PCDHGA8: variants seen among roughly 807,000 people sequenced by gnomAD.
PCDHGA8 encodes protocadherin gamma subfamily A, 8.
In PCDHGA8, 45 loss-of-function variants were observed where a neutral mutation model predicts 59.2. The ratio of observed to expected loss-of-function variants is 0.76; its 90% CI spans 0.60 to 0.98. The LOEUF (loss-of-function observed/expected upper bound fraction) is 0.98. Among genes scored for constraint, PCDHGA8 ranks in the 50% least tolerant of loss-of-function variants. PCDHGA8 has a pLI of 0.00. For missense variants in PCDHGA8, 1,257 were observed against 1,196.2 expected, an observed-to-expected ratio of 1.05 and a Z score of -0.75; for synonymous variants, 531 against 519.0, an observed-to-expected ratio of 1.02 and a Z score of -0.32.
In PCDHGA8 at chr5:141,510,353, C is replaced by G. The variant is rs74759939; in HGVS notation, c.2573-594C>G. On this transcript the variant is annotated intron_variant, in intron 3 of 3. Transcript: ENST00000398604. ...CACCCCCACCCCACACACTTACTAA[C>G]GGAACTACCGAATCTCTACTCGTGC... is the stretch of plus-strand genomic sequence containing the variant. Among the ~76,000 whole-genome samples the G allele has an allele frequency of 1.9e-4, 28 of 146,588 alleles. No homozygotes were observed. The East Asian group carries it at 5.6e-3, about 29-fold the overall frequency.
rs1438978424 is a variant in PCDHGA8 at position 141,394,322 on chromosome 5, G to A, written c.1509G>A (p.Ser503=). 1.9e-6 allele frequency: 3 copies of A among 1,613,842 alleles called. No homozygotes were observed. Among genetic ancestry groups the A allele is most frequent in the African/African-American group, 1.3e-5 (1 of 74,900 alleles). The stretch of plus-strand genomic sequence containing the variant: ...CGCTGCAGGGGGCGCCCCTGTCCTC[G>A]TATATCTCCATCAACTCTGACACCG... ...EDTLQGAPLS[S]YISINSDTGV... The change falls in exon 1 of 4, where the codon TCG becomes TCA. Residue 503 remains serine, a synonymous_variant. Coordinates refer to ENST00000398604, the MANE Select transcript of PCDHGA8 (RefSeq NM_032088.2).
At chr5:141,428,305 G>A (rs751498223) in intron 1 of PCDHGA8, 8 of 694,348 alleles carry the variant, frequency 1.2e-5, no homozygotes, top group African/African-American at 1.8e-5. Flanking sequence ...GATTTACCTG[G>A]TCGTGGCCTT....
rs766042374 is a variant in PCDHGA8 at position 141,418,520 on chromosome 5, C to A, written c.2424+23283C>A. ...GACCGCCTTAGATGGTGGGGACCCTCCCCGAAGCGGTACTGCTCAGATAAG... is the reference window on the plus strand; with the variant it reads ...GACCGCCTTAGATGGTGGGGACCCTACCCGAAGCGGTACTGCTCAGATAAG... On this transcript the variant is annotated intron_variant, in intron 1 of 3. Transcript: ENST00000398604. 6 of 1,613,818 alleles carry A rather than the reference C, an allele frequency of 3.7e-6. No individual in the cohort carries two copies. The highest frequency in any genetic ancestry group is 5.1e-6 in the Non-Finnish European group (6 of 1,179,890).
Position 141,476,845 on chromosome 5 carries a change from C to T in PCDHGA8, c.2425-17962C>T. On this transcript the variant is annotated intron_variant, in intron 1 of 3. Transcript: ENST00000398604. The surrounding 1 kb of genome is among the most constrained non-coding windows in gnomAD (Gnocchi z 7.6). ...TGGACGCGAATGACAATGCGCCTGT[C>T]TTCAACCAGTCCTTGTACCGGGCGC... 1 of 1,613,794 alleles carries T rather than the reference C, an allele frequency of 6.2e-7. No homozygotes were observed. Among genetic ancestry groups the T allele is most frequent in the Non-Finnish European group, 8.5e-7 (1 of 1,180,054 alleles).
chr5:141,423,605 T>G lies in PCDHGA8; in HGVS notation c.2424+28368T>G. The G allele has an allele frequency of 1.6e-5, 26 of 1,612,620 alleles. No individual in the cohort carries two copies. Among genetic ancestry groups the G allele is most frequent in the Non-Finnish European group, 2.0e-5 (24 of 1,179,120 alleles). On this transcript the variant is annotated intron_variant, in intron 1 of 3. Transcript: ENST00000398604. Reference sequence around the variant, plus strand: ...AGCTGTGAGAAAAGCGAGCCACTCTTGATAGCTGAAGACTCAGCTATCATT... The same window carrying G: ...AGCTGTGAGAAAAGCGAGCCACTCTGGATAGCTGAAGACTCAGCTATCATT...
chr5:141,477,901 C>T lies in PCDHGA8; in HGVS notation c.2425-16906C>T, dbSNP rs2099423750. ...GCCACCTAGTGTCACGGGTGGTAGG[C>T]TGGGACGCGGATGCAGGGCACAATG... On this transcript the variant is annotated intron_variant, in intron 1 of 3. Transcript: ENST00000398604. The surrounding 1 kb of genome is among the most constrained non-coding windows in gnomAD (Gnocchi z 4.9). The T allele has an allele frequency of 1.9e-6, 3 of 1,614,188 alleles. No homozygotes were observed. The highest frequency in any genetic ancestry group is 2.5e-6 in the Non-Finnish European group (3 of 1,180,042).
Position 141,486,000 on chromosome 5 carries a change from A to G in PCDHGA8, c.2425-8807A>G. 1 of 1,614,194 alleles carries G rather than the reference A, an allele frequency of 6.2e-7. No individual in the cohort carries two copies. Among genetic ancestry groups the G allele is most frequent in the Non-Finnish European group, 8.5e-7 (1 of 1,180,034 alleles). On this transcript the variant is annotated intron_variant, in intron 1 of 3. Transcript: ENST00000398604. The surrounding 1 kb of genome is among the most constrained non-coding windows in gnomAD (Gnocchi z 5.7). ...GACCCGGACCTGGGTCCCAGTGGTA[A>G]CGTCACCTTTTATTTCAGTGGTCAT...
In PCDHGA8 at chr5:141,394,778, C is replaced by A. The variant is rs377451053; in HGVS notation, c.1965C>A (p.Ser655=). 82 of 1,613,634 alleles carry A rather than the reference C, an allele frequency of 5.1e-5. No homozygotes were observed. The highest frequency in any genetic ancestry group is 3.7e-4 in the Admixed American group (22 of 60,030). Residue 655 remains serine (S), a synonymous_variant, in exon 1 of 4, where the codon TCC becomes TCA. Coordinates refer to ENST00000398604, the MANE Select transcript of PCDHGA8 (RefSeq NM_032088.2). ...AGGACCATGGCCAGCCCCCTCTCTCCGCCACTGTCACGCTCACCGTAGCCG... is the reference window on the plus strand; with the variant it reads ...AGGACCATGGCCAGCCCCCTCTCTCAGCCACTGTCACGCTCACCGTAGCCG... ...AVQDHGQPPL[S]ATVTLTVAVA... is the part of the protein sequence containing the mutation.
intron 1 of PCDHGA8, among the ~76,000 whole-genome samples, chr5:141,433,847 A>C (rs979302028): frequency 6.6e-6 from 1 of 151,976 alleles, no homozygotes; most frequent in South Asian, 2.1e-4. Context: ...CAAAAAAAAA[A>C]AAAAAAAACT....
chr5:141,398,862 C>A (rs771326288), intron 1 of PCDHGA8: 5 of 1,613,966 alleles, frequency 3.1e-6, no homozygotes, highest in Admixed American at 1.7e-5. Flanking sequence ...TCAACCGAGA[C>A]GTGTACAGAG....
At chr5:141,481,812 C>T (rs2099545604) in intron 1 of PCDHGA8, among the ~76,000 whole-genome samples, 2 of 149,798 alleles carry the variant, frequency 1.3e-5, no homozygotes, top group South Asian at 2.1e-4. Context: ...ATTCACCAGG[C>T]GTGGTGGCTG....
chr5:141,455,093 T>C (rs2098812615), intron 1 of PCDHGA8, among the ~76,000 whole-genome samples: 1 of 152,060 alleles, frequency 6.6e-6, no homozygotes, highest in African/African-American at 2.4e-5. Context: ...ATTACAGGCT[T>C]GAGCCACTGC....
At chr5:141,479,982 C>T (rs368461965) in intron 1 of PCDHGA8, among the ~76,000 whole-genome samples, 1 of 152,192 alleles carries the variant, frequency 6.6e-6, no homozygotes, top group South Asian at 2.1e-4. Flanking sequence ...CTACCATTTA[C>T]CAACTAGGAG....
chr5:141,490,030 C>G lies in PCDHGA8; in HGVS notation c.2425-4777C>G, dbSNP rs1361758608. The G allele has an allele frequency of 1.2e-6, 2 of 1,614,150 alleles. No individual in the cohort carries two copies. Among genetic ancestry groups the G allele is most frequent in the African/African-American group, 2.7e-5 (2 of 74,936 alleles). The stretch of plus-strand genomic sequence containing the variant: ...ACCCATTGGTACTCTGCTGCTCCGC[C>G]TCAATGCCACTGATCCAGACGAGGG... On this transcript the variant is annotated intron_variant, in intron 1 of 3. Coordinates refer to ENST00000398604, the MANE Select transcript of PCDHGA8 (RefSeq NM_032088.2). This position sits in a 1 kb window ranked among gnomAD's most constrained non-coding sequence, Gnocchi z 5.4.
intron 1 of PCDHGA8, among the ~76,000 whole-genome samples, chr5:141,449,560 GC>G (rs1487612909): frequency 6.9e-6 from 1 of 145,056 alleles, no homozygotes; most frequent in Non-Finnish European, 1.5e-5. Flanking sequence ...CTGCACTCCA[GC>G]CTGGGCGACA....
chr5:141,494,643 AG>A, intron 1 of PCDHGA8, 163 bp from the exon 2 acceptor site: 1 of 928,048 alleles, frequency 1.1e-6, no homozygotes, highest in Non-Finnish European at 1.3e-6. Flanking sequence ...CTGAGACCTG[AG>A]GTGTATTTTG....
chr5:141,423,514 G>T (rs1208270970), intron 1 of PCDHGA8: 2 of 1,613,812 alleles, frequency 1.2e-6, no homozygotes, highest in Non-Finnish European at 1.7e-6. Flanking sequence ...TCTCATTGCG[G>T]ACTCGCAGAA....
At position 141,414,416 on chromosome 5, in the gene PCDHGA8, T is replaced by C. The variant is rs550804810; in HGVS notation, c.2424+19179T>C. The C allele has an allele frequency of 2.2e-5, 35 of 1,613,902 alleles. No homozygotes were observed. In the South Asian group the frequency reaches 3.5e-4, roughly 16 times the overall value. On this transcript the variant is annotated intron_variant, in intron 1 of 3. Coordinates refer to ENST00000398604, the MANE Select transcript of PCDHGA8 (RefSeq NM_032088.2). ...TACAGATTGGTGATACACAGAGCCCTTGACAGGGAACAGGTATCCTCTTAC... is the reference window on the plus strand; with the variant it reads ...TACAGATTGGTGATACACAGAGCCCCTGACAGGGAACAGGTATCCTCTTAC...
chr5:141,457,279 G>A (rs948609305), intron 1 of PCDHGA8, among the ~76,000 whole-genome samples: 2 of 152,190 alleles, frequency 1.3e-5, no homozygotes, highest in African/African-American at 4.8e-5. Flanking sequence ...GTGGGCCTAC[G>A]AAGTTCCTTG....
Sources: allele counts gnomAD v4.1 joint callset (sites outside exome capture counted in the v4.1 genomes callset), GRCh38; gene constraint gnomAD v4.1.1; non-coding constraint Gnocchi (gnomAD v3.1); transcripts MANE v1.5; gene names NCBI Gene and HGNC (gene_info 2026-07-23, HGNC 2026-07-21).